The following UBE3D variants were observed in gnomAD, a reference collection of about 807,000 sequenced individuals.
UBE3D encodes the protein ubiquitin protein ligase E3D.
A neutral mutation model predicts 49.6 loss-of-function variants in UBE3D; 48 were observed. That is an observed-to-expected ratio of 0.97 (90% CI 0.77 to 1.23). UBE3D has a LOEUF of 1.23. Among genes scored for constraint, UBE3D ranks in the 50% most tolerant of loss-of-function variants. UBE3D has a pLI of 0.00. For synonymous variants in UBE3D, 189 were observed against 174.2 expected, an observed-to-expected ratio of 1.08 and a Z score of -0.67; for missense variants, 452 against 468.4, an observed-to-expected ratio of 0.96 and a Z score of 0.32.
At chr6:83,011,279 C>G (rs1005516835) in intron 8 of UBE3D, among the ~76,000 whole-genome samples, 2 of 152,192 alleles carry the variant, frequency 1.3e-5, no homozygotes, top group African/African-American at 4.8e-5. Flanking sequence ...ATACTCACGA[C>G]ACTTACATTC....
At chr6:83,027,450 AAAAAAAAAAAAGAAACCACTAGTATTG>A (rs1055553653) in intron 5 of UBE3D, among the ~76,000 whole-genome samples, 4 of 147,424 alleles carry the variant, frequency 2.7e-5, no homozygotes, top group African/African-American at 7.4e-5. Flanking sequence ...AAAAAAAAAA[AAAAAAAAAAAAGAAACCACTAGTATTG>A]AATTAACCTA....
At chr6:82,901,334 T>G (rs1036930663) in intron 9 of UBE3D, among the ~76,000 whole-genome samples, 11 of 152,158 alleles carry the variant, frequency 7.2e-5, no homozygotes, top group African/African-American at 2.7e-4. Context: ...AGGGTGGTAT[T>G]GACTGACAGT....
At chr6:82,920,942 ATTTTT>A (rs377206246) in intron 9 of UBE3D, among the ~76,000 whole-genome samples, 1 of 136,796 alleles carries the variant, frequency 7.3e-6, no homozygotes. Context: ...AAAAATGCTG[ATTTTT>A]TTTTTTTTTT....
At chr6:82,933,711 A>G (rs1445377528) in intron 9 of UBE3D, among the ~76,000 whole-genome samples, 1 of 152,210 alleles carries the variant, frequency 6.6e-6, no homozygotes, top group Non-Finnish European at 1.5e-5. Context: ...CGAAATGAAA[A>G]CAAAGGTTAA....
chr6:82,994,698 G>A (rs943733490), intron 8 of UBE3D, among the ~76,000 whole-genome samples: 4 of 152,296 alleles, frequency 2.6e-5, no homozygotes, highest in Middle Eastern at 3.4e-3. Flanking sequence ...TGAAGGCAGA[G>A]TGAATATGAC....
At position 83,051,404 on chromosome 6, in the gene UBE3D, A is replaced by G. The variant is rs536563530; in HGVS notation, c.365+2744T>C. ...AAGATACAGTTCCTGAACAGAAAAA[A>G]TGGGGGCAACAGATAAAAGATTTTT... On this transcript the variant is annotated intron_variant, in intron 3 of 9. Transcript: ENST00000369747. Among the ~76,000 whole-genome samples, 260 of 152,314 alleles carry G rather than the reference A, an allele frequency of 1.7e-3. 1 individual carries two copies. Among genetic ancestry groups the G allele is most frequent in the African/African-American group, 6.0e-3 (249 of 41,570 alleles).
intron 9 of UBE3D, among the ~76,000 whole-genome samples, chr6:82,900,380 A>G (rs1451594246): frequency 6.6e-6 from 1 of 152,196 alleles, no homozygotes; most frequent in Admixed American, 6.5e-5. Context: ...AAGAAATGGT[A>G]TGCTTACAAT....
At chr6:83,058,115 C>T (rs1299285332) in intron 1 of UBE3D, 93 bp from the exon 2 acceptor site, 4 of 1,283,500 alleles carry the variant, frequency 3.1e-6, no homozygotes, top group Non-Finnish European at 4.3e-6. Flanking sequence ...CTCTTTCTTC[C>T]TCTTCAATAG....
At chr6:82,926,931 G>A (rs1265403980) in intron 9 of UBE3D, among the ~76,000 whole-genome samples, 1 of 152,054 alleles carries the variant, frequency 6.6e-6, no homozygotes, top group Non-Finnish European at 1.5e-5. Flanking sequence ...ATCATCAGAT[G>A]CTAGGCCATC....
At chr6:82,913,289 T>C (rs1332583537) in intron 9 of UBE3D, among the ~76,000 whole-genome samples, 1 of 152,236 alleles carries the variant, frequency 6.6e-6, no homozygotes, top group Non-Finnish European at 1.5e-5. Flanking sequence ...CAATAAATTA[T>C]AATTTTAGCA....
At chr6:82,888,186 G>A (rs1163363121), downstream of UBE3D, among the ~76,000 whole-genome samples, 1 of 151,980 alleles carries the variant, frequency 6.6e-6, no homozygotes, top group Non-Finnish European at 1.5e-5. Flanking sequence ...TGGGCAGAGG[G>A]TGACAAGCCC....
intron 5 of UBE3D, among the ~76,000 whole-genome samples, chr6:83,033,321 A>G (rs1782012688): frequency 6.6e-6 from 1 of 152,160 alleles, no homozygotes; most frequent in Admixed American, 6.5e-5. Context: ...ATTACATTTT[A>G]TTATTGTAAA....
intron 8 of UBE3D, among the ~76,000 whole-genome samples, chr6:82,990,725 C>T (rs1459192097): frequency 6.6e-6 from 1 of 152,286 alleles, no homozygotes; most frequent in Admixed American, 6.5e-5. Flanking sequence ...CCTCTACCTG[C>T]TCCTTTTCTC....
intron 9 of UBE3D, among the ~76,000 whole-genome samples, chr6:82,943,127 A>T (rs1275612293): frequency 6.6e-6 from 1 of 152,212 alleles, no homozygotes; most frequent in Non-Finnish European, 1.5e-5. Context: ...AGATTTAATG[A>T]CTGCCCTATT....
At chr6:82,953,264 T>C (rs192522759) in intron 9 of UBE3D, among the ~76,000 whole-genome samples, 22 of 152,372 alleles carry the variant, frequency 1.4e-4, no homozygotes, top group African/African-American at 5.3e-4. Context: ...TATTCCCTAC[T>C]GTGGTACTGT....
intron 1 of UBE3D, 72 bp downstream of exon 1, chr6:83,065,570 G>T: frequency 7.0e-7 from 1 of 1,425,058 alleles, no homozygotes; most frequent in South Asian, 1.2e-5. Flanking sequence ...TACAGAGAGA[G>T]ACTCACCAGC....
chr6:82,896,356 A>G (rs981700400), intron 9 of UBE3D, among the ~76,000 whole-genome samples: 2 of 152,236 alleles, frequency 1.3e-5, no homozygotes, highest in African/African-American at 4.8e-5. Context: ...CTGCAGCTTA[A>G]GGTTTTGCTG....
At chr6:82,971,004 A>C (rs1196213937) in intron 8 of UBE3D, among the ~76,000 whole-genome samples, 1 of 152,190 alleles carries the variant, frequency 6.6e-6, no homozygotes, top group Non-Finnish European at 1.5e-5. Context: ...TATAAATAGA[A>C]TCATACAACA....
chr6:82,997,051 G>A (rs1490561288), intron 8 of UBE3D, among the ~76,000 whole-genome samples: 1 of 152,058 alleles, frequency 6.6e-6, no homozygotes, highest in Non-Finnish European at 1.5e-5. Context: ...GGGTACACAG[G>A]AACAATCTGT....
Sources: allele counts gnomAD v4.1 joint callset (sites outside exome capture counted in the v4.1 genomes callset), GRCh38; gene constraint gnomAD v4.1.1; transcripts MANE v1.5; gene names NCBI Gene and HGNC (gene_info 2026-07-23, HGNC 2026-07-21).